The following AKAP13 variants were observed in gnomAD, a reference collection of about 807,000 sequenced individuals.
AKAP13 encodes A-kinase anchoring protein 13, also known as A-kinase anchor protein 13.
A neutral mutation model predicts 264.5 loss-of-function variants in AKAP13; 80 were observed. The observed-to-expected ratio is 0.30, with a 90% CI of 0.25 to 0.36. The LOEUF is 0.36. AKAP13 is among the 10% of genes least tolerant of loss of function. The pLI, the probability that AKAP13 is intolerant of heterozygous loss-of-function variation, is 1.00. For synonymous variants in AKAP13, 1,380 were observed against 1,250.2 expected, an observed-to-expected ratio of 1.10 and a Z score of -2.19; for missense variants, 3,712 against 3,435.2, an observed-to-expected ratio of 1.08 and a Z score of -2.01.
intron 5 of AKAP13, among the ~76,000 whole-genome samples, chr15:85,551,565 A>C (rs1400146284): frequency 6.6e-6 from 1 of 152,256 alleles, no homozygotes; most frequent in Non-Finnish European, 1.5e-5. Flanking sequence ...TCACAGAGCC[A>C]TTCCAAGCAT....
intron 2 of AKAP13, among the ~76,000 whole-genome samples, chr15:85,514,418 C>T (rs554028988): frequency 7.2e-6 from 1 of 138,090 alleles, no homozygotes; most frequent in South Asian, 2.2e-4. Context: ...TAAGACATGG[C>T]CCCATCGTTT....
chr15:85,491,762 C>G (rs1260628385), intron 2 of AKAP13, among the ~76,000 whole-genome samples: 8 of 151,954 alleles, frequency 5.3e-5, no homozygotes, highest in African/African-American at 1.9e-4. Context: ...ACTTTACCTG[C>G]AGTTGTGTAA....
At chr15:85,502,919 A>G (rs1025632973) in intron 2 of AKAP13, among the ~76,000 whole-genome samples, 1 of 152,222 alleles carries the variant, frequency 6.6e-6, no homozygotes, top group African/African-American at 2.4e-5. Context: ...AATCAATTTT[A>G]TTACCATACT....
chr15:85,657,328 G>A (rs971811375), intron 11 of AKAP13, among the ~76,000 whole-genome samples: 4 of 152,274 alleles, frequency 2.6e-5, no homozygotes, highest in Middle Eastern at 3.4e-3. Flanking sequence ...TCTAGGTTCT[G>A]GAGATAGGTA....
At chr15:85,617,529 C>T (rs1037507405) in intron 8 of AKAP13, among the ~76,000 whole-genome samples, 5 of 152,136 alleles carry the variant, frequency 3.3e-5, no homozygotes, top group East Asian at 1.9e-4. Context: ...CGTGAGCCAC[C>T]GCGCCCAGCC....
At chr15:85,409,998 T>C (rs2071882802) in intron 1 of AKAP13, among the ~76,000 whole-genome samples, 4 of 151,746 alleles carry the variant, frequency 2.6e-5, no homozygotes, top group Admixed American at 2.0e-4. Flanking sequence ...ATAGTAACTT[T>C]ACTGAGCTCA....
chr15:85,661,885 C>A, intron 12 of AKAP13, among the ~76,000 whole-genome samples: 1 of 144,238 alleles, frequency 6.9e-6, no homozygotes, highest in South Asian at 2.2e-4. Flanking sequence ...TTGGTTGGAT[C>A]CGTAATGGAA....
chr15:85,611,798 C>T (rs1267745951), intron 8 of AKAP13, among the ~76,000 whole-genome samples: 1 of 152,128 alleles, frequency 6.6e-6, no homozygotes, highest in East Asian at 1.9e-4. Flanking sequence ...TCTTTCTTCC[C>T]TCTGGGCCTT....
intron 12 of AKAP13, chr15:85,662,506 A>G: frequency 1.2e-6 from 2 of 1,607,954 alleles, no homozygotes; most frequent in Non-Finnish European, 8.5e-7. Flanking sequence ...AAAATACGCC[A>G]TCAGGGCTTT....
At chr15:85,403,356 TC>T (rs2071513767) in intron 1 of AKAP13, among the ~76,000 whole-genome samples, 1 of 152,196 alleles carries the variant, frequency 6.6e-6, no homozygotes, top group South Asian at 2.1e-4. Context: ...ATTTTTTTCT[TC>T]ACAACATAAT....
rs1567080855 is a variant in AKAP13 at position 85,483,650 on chromosome 15, A to AAC, written c.-11-2057_-11-2056dup. ...TCCGTCTCAAAAAAAAAAAAAAAAAAACACCAAAAAATCAGCTGGGTGTTG... is the reference window on the plus strand; with the variant it reads ...TCCGTCTCAAAAAAAAAAAAAAAAAAACACACCAAAAAATCAGCTGGGTGTTG... On this transcript the variant is annotated intron_variant, in intron 1 of 36. Transcript: ENST00000394518. 3.3e-5 allele frequency among the ~76,000 whole-genome samples: 5 copies of AAC among 150,134 alleles called. No homozygotes were observed. In the East Asian group the frequency reaches 7.7e-4, roughly 23 times the overall value.
Position 85,743,603 on chromosome 15 carries a change from G to A in AKAP13, c.8170G>A (p.Glu2724Lys). The A allele has an allele frequency of 1.2e-6, 2 of 1,614,150 alleles. No homozygotes were observed. The highest frequency in any genetic ancestry group is 1.7e-6 in the Non-Finnish European group (2 of 1,180,034). ...AGCCAAATCAGGGTCATTGGACTCA[G>A]AACTTTCAGTGTCCCCAAAAAGGAA... ...SIAKSGSLDSELSVSPKRNSI... is the reference protein window; with the variant it reads ...SIAKSGSLDSKLSVSPKRNSI... Residue 2724 changes from glutamate to lysine, a missense_variant, in exon 36 of 37, where the codon GAA (glutamate) becomes AAA (lysine). This residue lies in a region of AKAP13 where 611 missense variants were observed against 539.3 expected (regional missense o/e 1.13). Coordinates refer to ENST00000394518, the MANE Select transcript of AKAP13 (RefSeq NM_007200.5).
chr15:85,731,321 A>G (rs894677300), intron 30 of AKAP13, among the ~76,000 whole-genome samples: 1 of 152,110 alleles, frequency 6.6e-6, no homozygotes, highest in Non-Finnish European at 1.5e-5. Context: ...TCACTTACTT[A>G]TATATCTTTA....
chr15:85,661,704 A>T (rs377525470), intron 12 of AKAP13, among the ~76,000 whole-genome samples: 1 of 40,904 alleles, frequency 2.4e-5, no homozygotes. Flanking sequence ...CTGGGCAACA[A>T]GAGTGAAACT....
At chr15:85,627,284 C>T (rs905031133) in intron 8 of AKAP13, among the ~76,000 whole-genome samples, 3 of 152,118 alleles carry the variant, frequency 2.0e-5, no homozygotes, top group African/African-American at 7.2e-5. Flanking sequence ...AGTACATCAT[C>T]TTCTTCCCTC....
intron 3 of AKAP13, 149 bp from the exon 4 acceptor site, chr15:85,533,435 A>G: frequency 1.5e-6 from 1 of 660,686 alleles, no homozygotes. Context: ...AAGTTTGGAA[A>G]AATGCTGTCA....
intron 33 of AKAP13, among the ~76,000 whole-genome samples, chr15:85,737,037 G>A (rs1171715213): frequency 6.7e-6 from 1 of 148,284 alleles, no homozygotes; most frequent in Non-Finnish European, 1.5e-5. Flanking sequence ...CCCTGCCTCA[G>A]CCTCCCGAGT....
intron 11 of AKAP13, among the ~76,000 whole-genome samples, chr15:85,657,548 T>C (rs1382756701): frequency 3.9e-5 from 6 of 152,184 alleles, no homozygotes; most frequent in African/African-American, 1.4e-4. Context: ...TCTGGTCTCT[T>C]AGTCAAATGC....
Position 85,719,569 on chromosome 15 carries a change from A to G in AKAP13, c.6252+243A>G, listed in dbSNP as rs576267706. On this transcript the variant is annotated intron_variant, in intron 23 of 36. Transcript: ENST00000394518. ...ATATATAAAGTACCTAATGCATATG[A>G]TAGATGCTCAGTAAAACTTAGTTTT... 7.9e-5 allele frequency among the ~76,000 whole-genome samples: 12 copies of G among 152,218 alleles called. No homozygotes were observed. In the South Asian group the frequency reaches 2.3e-3, roughly 29 times the overall value.
Sources: allele counts gnomAD v4.1 joint callset (sites outside exome capture counted in the v4.1 genomes callset), GRCh38; gene constraint gnomAD v4.1.1; regional missense constraint gnomAD v4.1.1; transcripts MANE v1.5; gene names NCBI Gene and HGNC (gene_info 2026-07-23, HGNC 2026-07-21).